Variants in WWOX observed in about 807,000 individuals in gnomAD.
WWOX encodes the protein WW domain containing oxidoreductase.
Under a neutral mutation model 46.2 loss-of-function variants are expected in WWOX, and 69 were observed. That is an observed-to-expected ratio of 1.49 (90% CI 1.23 to 1.82). The LOEUF is 1.82. Among genes scored for constraint, WWOX ranks in the 40% most tolerant of loss-of-function variants. WWOX has a pLI of 0.00. For synonymous variants in WWOX, 359 were observed against 202.6 expected, an observed-to-expected ratio of 1.77 and a Z score of -6.56; for missense variants, 919 against 542.6, an observed-to-expected ratio of 1.69 and a Z score of -6.89.
Position 78,634,206 on chromosome 16 carries a change from G to A in WWOX, c.1056+201454G>A, listed in dbSNP as rs75685861. 4.6e-3 allele frequency among the ~76,000 whole-genome samples: 696 copies of A among 152,284 alleles called. 3 individuals are homozygous for A. The highest frequency in any genetic ancestry group is 7.3e-3 in the Non-Finnish European group (495 of 68,022). On this transcript the variant is annotated intron_variant, in intron 8 of 8. Transcript: ENST00000566780. ...TGTGTCTAAATACAAATGTCCAGGA[G>A]AATAGGAATGCCATAGTGGTGAGCT...
At chr16:78,995,913 T>A (rs989318629) in intron 8 of WWOX, among the ~76,000 whole-genome samples, 6 of 152,156 alleles carry the variant, frequency 3.9e-5, no homozygotes, top group African/African-American at 4.8e-5. Context: ...CGATTTTGCG[T>A]TTATACCTCT....
At chr16:78,992,923 T>A (rs760975200) in intron 8 of WWOX, among the ~76,000 whole-genome samples, 5 of 143,746 alleles carry the variant, frequency 3.5e-5, no homozygotes, top group Non-Finnish European at 7.5e-5. Flanking sequence ...TATCTACGTA[T>A]AATTTTTGCC....
intron 8 of WWOX, among the ~76,000 whole-genome samples, chr16:78,793,082 C>T (rs1399719431): frequency 6.6e-6 from 1 of 152,148 alleles, no homozygotes; most frequent in East Asian, 1.9e-4. Context: ...TATATCTAAT[C>T]TATTTTTTGA....
intron 4 of WWOX, among the ~76,000 whole-genome samples, chr16:78,152,234 A>G (rs1285838012): frequency 6.6e-6 from 1 of 152,014 alleles, no homozygotes; most frequent in East Asian, 1.9e-4. Context: ...GTTTCCTTGC[A>G]TCTCCGTATC....
At chr16:78,537,953 G>A (rs1252202866) in intron 8 of WWOX, among the ~76,000 whole-genome samples, 1 of 152,064 alleles carries the variant, frequency 6.6e-6, no homozygotes, top group Non-Finnish European at 1.5e-5. Flanking sequence ...CTCTCAGGAG[G>A]CCTGCTGATA....
At chr16:78,248,327 A>C (rs2037878001) in intron 5 of WWOX, among the ~76,000 whole-genome samples, 1 of 152,208 alleles carries the variant, frequency 6.6e-6, no homozygotes. Flanking sequence ...TTCAACAACC[A>C]GATCTCAGGA....
At position 78,227,367 on chromosome 16, in the gene WWOX, A is replaced by G. The variant is rs555649852; in HGVS notation, c.516+63078A>G. Among the ~76,000 whole-genome samples the G allele has an allele frequency of 2.6e-5, 4 of 152,338 alleles. No homozygotes were observed. The South Asian group carries it at 6.2e-4, about 24-fold the overall frequency. On this transcript the variant is annotated intron_variant, in intron 5 of 8. Transcript: ENST00000566780. ...ATGTGTTACCTGAGACTCTCCGCCC[A>G]TAGGATGTAGTTCCTTTCCATTGGA...
chr16:79,026,654 G>A (rs1416435715), intron 8 of WWOX, among the ~76,000 whole-genome samples: 1 of 120,600 alleles, frequency 8.3e-6, no homozygotes, highest in Non-Finnish European at 1.6e-5. Context: ...GTCTCCCTCT[G>A]TCGCCTAGGC....
chr16:79,140,266 G>A (rs550561084), intron 8 of WWOX, among the ~76,000 whole-genome samples: 8 of 152,234 alleles, frequency 5.3e-5, no homozygotes, highest in Non-Finnish European at 1.2e-4. Flanking sequence ...GCTCTGAGCA[G>A]TCTATTGGAT....
intron 8 of WWOX, among the ~76,000 whole-genome samples, chr16:78,779,846 G>T (rs149162536): frequency 9.9e-5 from 15 of 152,246 alleles, no homozygotes; most frequent in Middle Eastern, 3.4e-3. Flanking sequence ...GAAGGAGAAG[G>T]GCCTTTGGGA....
intron 5 of WWOX, among the ~76,000 whole-genome samples, chr16:78,169,045 C>T (rs1026546540): frequency 2.0e-5 from 3 of 152,282 alleles, no homozygotes; most frequent in African/African-American, 4.8e-5. Flanking sequence ...GATGGAGGCA[C>T]ATCAGCCCCC....
chr16:79,108,588 A>G (rs1597383216), intron 8 of WWOX, among the ~76,000 whole-genome samples: 1 of 152,228 alleles, frequency 6.6e-6, no homozygotes, highest in East Asian at 1.9e-4. Context: ...TTCATCATCA[A>G]GAAAAACATT....
At chr16:78,859,858 A>G (rs1264900648) in intron 8 of WWOX, among the ~76,000 whole-genome samples, 1 of 152,168 alleles carries the variant, frequency 6.6e-6, no homozygotes, top group Non-Finnish European at 1.5e-5. Flanking sequence ...TAAAGACATT[A>G]TTTGCATCTC....
chr16:79,035,300 C>A (rs1363780631), intron 8 of WWOX, among the ~76,000 whole-genome samples: 1 of 152,164 alleles, frequency 6.6e-6, no homozygotes, highest in Non-Finnish European at 1.5e-5. Context: ...TCTCTAATCC[C>A]TTTGATTTCC....
chr16:78,471,490 C>G (rs1170975663), intron 8 of WWOX, among the ~76,000 whole-genome samples: 1 of 152,162 alleles, frequency 6.6e-6, no homozygotes, highest in Non-Finnish European at 1.5e-5. Flanking sequence ...TCGTTTGGAT[C>G]TTTTTCACCA....
intron 8 of WWOX, among the ~76,000 whole-genome samples, chr16:78,814,138 G>A (rs1277541894): frequency 2.6e-5 from 4 of 152,160 alleles, no homozygotes; most frequent in Admixed American, 2.0e-4. Context: ...GACAGAACCC[G>A]GCCAGATCCT....
chr16:78,746,888 G>A (rs557043959), intron 8 of WWOX, among the ~76,000 whole-genome samples: 5 of 152,084 alleles, frequency 3.3e-5, no homozygotes, highest in East Asian at 1.9e-4. Flanking sequence ...TTTGTTATGC[G>A]GCAGTATTTT....
intron 8 of WWOX, among the ~76,000 whole-genome samples, chr16:78,634,224 G>C (rs1045357293): frequency 6.6e-6 from 1 of 152,154 alleles, no homozygotes; most frequent in African/African-American, 2.4e-5. Context: ...ATGCCATAGT[G>C]GTGAGCTAAG....
At chr16:79,085,727 A>G (rs1055622970) in intron 8 of WWOX, among the ~76,000 whole-genome samples, 1 of 152,166 alleles carries the variant, frequency 6.6e-6, no homozygotes, top group Non-Finnish European at 1.5e-5. Context: ...CCTATAGTCA[A>G]AAGGCATTCA....
Sources: gnomAD v4.1 joint callset for allele counts (sites outside exome capture counted in the v4.1 genomes callset) on GRCh38, gnomAD v4.1.1 for gene constraint, MANE v1.5 for transcripts, NCBI Gene and HGNC (gene_info 2026-07-23, HGNC 2026-07-21) for gene names.